Variants in INTU observed in about 807,000 individuals in gnomAD.
INTU encodes the protein protein inturned.
In INTU, 68 loss-of-function variants were observed where a neutral mutation model predicts 100.5. That is an observed-to-expected ratio of 0.68 (90% CI 0.56 to 0.83). The LOEUF is 0.83. Ranked by LOEUF, INTU falls within the 40% of genes least tolerant of loss-of-function variation. The probability of loss-of-function intolerance (pLI) is 0.00; values close to 1 mark genes in which losing one functional copy is unlikely to be tolerated. For missense variants in INTU, 1,071 were observed against 1,114.7 expected, an observed-to-expected ratio of 0.96 and a Z score of 0.56; for synonymous variants, 357 against 395.7, an observed-to-expected ratio of 0.90 and a Z score of 1.16.
At chr4:127,660,146 G>C (rs1728411815) in intron 3 of INTU, among the ~76,000 whole-genome samples, 1 of 152,122 alleles carries the variant, frequency 6.6e-6, no homozygotes, top group Non-Finnish European at 1.5e-5. Flanking sequence ...CCAGAAGAGA[G>C]ATGATAAAGG....
chr4:127,677,550 A>G (rs988490310), intron 6 of INTU, among the ~76,000 whole-genome samples: 9 of 151,820 alleles, frequency 5.9e-5, no homozygotes, highest in African/African-American at 1.7e-4. Flanking sequence ...CCTGTCTGTT[A>G]GAAGGAAAAC....
chr4:127,679,740 A>G (rs917586801), intron 6 of INTU, among the ~76,000 whole-genome samples: 1 of 151,944 alleles, frequency 6.6e-6, no homozygotes, highest in Non-Finnish European at 1.5e-5. Context: ...AGAAGGCAAG[A>G]AATAACTAAA....
chr4:127,653,528 A>G (rs981769053), intron 2 of INTU, among the ~76,000 whole-genome samples: 3 of 151,970 alleles, frequency 2.0e-5, no homozygotes, highest in East Asian at 3.8e-4. Context: ...GTAGTTGAGC[A>G]GTTTTGAGTG....
intron 6 of INTU, 24 bp downstream of exon 6, chr4:127,674,237 T>A (rs761590413): frequency 1.3e-6 from 2 of 1,498,368 alleles, no homozygotes; most frequent in Non-Finnish European, 1.8e-6. Flanking sequence ...TTGCTTACCT[T>A]AAAATCATTT....
chr4:127,645,127 T>C (rs1727516102), intron 2 of INTU, among the ~76,000 whole-genome samples: 1 of 152,158 alleles, frequency 6.6e-6, no homozygotes, highest in Non-Finnish European at 1.5e-5. Flanking sequence ...TGTTCCAGAA[T>C]GATCTCAACA....
intron 6 of INTU, among the ~76,000 whole-genome samples, chr4:127,677,017 C>T (rs1373569977): frequency 6.6e-6 from 1 of 151,792 alleles, no homozygotes; most frequent in East Asian, 1.9e-4. Flanking sequence ...AGTCTGAGAT[C>T]AAACTGCAAG....
chr4:127,672,555 G>A (rs77593744), intron 5 of INTU, among the ~76,000 whole-genome samples: 6,107 of 150,256 alleles, frequency 0.041, 164 homozygotes, highest in Middle Eastern at 0.066. Flanking sequence ...TTAACCATGA[G>A]ATATGGGTTA....
chr4:127,677,767 A>C lies in INTU; in HGVS notation c.1181+3554A>C, dbSNP rs554205548. Reference sequence around the variant, plus strand: ...CTGGACGGAGAATGACTTTGACGAGATGAGAGAAGAAGGCTTCAGACGATC... The same window carrying C: ...CTGGACGGAGAATGACTTTGACGAGCTGAGAGAAGAAGGCTTCAGACGATC... On this transcript the variant is annotated intron_variant, in intron 6 of 15. Coordinates refer to ENST00000335251, the MANE Select transcript of INTU (RefSeq NM_015693.4). 5.1e-4 allele frequency among the ~76,000 whole-genome samples: 77 copies of C among 152,152 alleles called. No homozygotes were observed. In the South Asian group the frequency reaches 0.014, roughly 28 times the overall value.
chr4:127,633,010 A>T lies in INTU; in HGVS notation c.-25A>T. On this transcript the variant is annotated 5_prime_UTR_variant, in exon 1 of 16. Coordinates refer to ENST00000335251, the MANE Select transcript of INTU (RefSeq NM_015693.4). ...ATAGCTGCGAGATTTGAATTACTCC[A>T]CTCGTAGCTATTGCATTCCTGACGA... 6.2e-7 allele frequency: 1 copy of T among 1,602,454 alleles called. No homozygotes were observed. The highest frequency in any genetic ancestry group is 8.5e-7 in the Non-Finnish European group (1 of 1,171,856).
Position 127,643,539 on chromosome 4 carries a change from G to C in INTU, c.165G>C (p.Trp55Cys). The C allele has an allele frequency of 1.2e-6, 2 of 1,600,570 alleles. No individual in the cohort carries two copies. Among genetic ancestry groups the C allele is most frequent in the Non-Finnish European group, 1.7e-6 (2 of 1,176,306 alleles). ...TTCATAGTGATCTTGAGCCTGAATG[G>C]CTGGACAGTGTGCAGAAAAATGGAG... The part of the protein sequence containing the change: ...SSDYDDLEPE[W>C]LDSVQKNGEL... The change falls in exon 2 of 16, where the codon TGG (tryptophan) becomes TGC (cysteine). Residue 55 changes from tryptophan (W) to cysteine (C), a missense_variant. By Grantham distance (215) the Trp-to-Cys change is radical. Transcript: ENST00000335251.
chr4:127,676,546 A>G (rs1406730209), intron 6 of INTU, among the ~76,000 whole-genome samples: 1 of 150,936 alleles, frequency 6.6e-6, no homozygotes, highest in Non-Finnish European at 1.5e-5. Flanking sequence ...TGATGCTGCC[A>G]CTGTACTCCA....
At chr4:127,700,849 A>G (rs1386740393) in intron 9 of INTU, among the ~76,000 whole-genome samples, 2 of 151,996 alleles carry the variant, frequency 1.3e-5, no homozygotes, top group African/African-American at 4.8e-5. Context: ...GAAAACTGTT[A>G]AATGAAGAAA....
At chr4:127,692,585 T>A (rs1730199691) in intron 8 of INTU, among the ~76,000 whole-genome samples, 1 of 152,216 alleles carries the variant, frequency 6.6e-6, no homozygotes. Flanking sequence ...AAACTTTAGT[T>A]TAATTAAGTC....
At chr4:127,708,347 G>A (rs1730970296) in intron 12 of INTU, among the ~76,000 whole-genome samples, 1 of 152,142 alleles carries the variant, frequency 6.6e-6, no homozygotes, top group African/African-American at 2.4e-5. Flanking sequence ...AATGGCTCTG[G>A]TAGGAGGTTT....
Position 127,656,387 on chromosome 4 carries a change from T to G in INTU, c.683-249T>G, listed in dbSNP as rs568594942. Reference sequence around the variant, plus strand: ...TATCAAGAATAAAAATAGTTATTTTTTAAAATATTCATAGGTTGTATTATT... The same window carrying G: ...TATCAAGAATAAAAATAGTTATTTTGTAAAATATTCATAGGTTGTATTATT... On this transcript the variant is annotated intron_variant, in intron 2 of 15. Coordinates refer to ENST00000335251, the MANE Select transcript of INTU (RefSeq NM_015693.4). 3.3e-5 allele frequency among the ~76,000 whole-genome samples: 5 copies of G among 152,330 alleles called. No homozygotes were observed. In the East Asian group the frequency reaches 9.6e-4, roughly 29 times the overall value.
At position 127,643,916 on chromosome 4, in the gene INTU, T is replaced by C. The variant is rs1054038801; in HGVS notation, c.542T>C (p.Leu181Pro). The C allele has an allele frequency of 3.1e-6, 5 of 1,614,128 alleles. No individual in the cohort carries two copies. Among genetic ancestry groups the C allele is most frequent in the Admixed American group, 3.3e-5 (2 of 59,994 alleles). Reference sequence around the variant, plus strand: ...ATCAAAGCCAAAGAGCAGCTCAAGCTTCTGGAAGTGCTGGTTGGAATTATT... The same window carrying C: ...ATCAAAGCCAAAGAGCAGCTCAAGCCTCTGGAAGTGCTGGTTGGAATTATT... ...TVIKAKEQLK[L>P]LEVLVGIIHQ... is the part of the protein sequence containing the mutation. Residue 181 changes from leucine to proline, a missense_variant, in exon 2 of 16, where the codon CTT (leucine) becomes CCT (proline). Physicochemically the swap from Leu to Pro is moderately conservative, Grantham distance 98. Coordinates refer to ENST00000335251, the MANE Select transcript of INTU (RefSeq NM_015693.4).
chr4:127,664,578 C>G (rs1011490690), intron 4 of INTU, among the ~76,000 whole-genome samples: 3 of 152,006 alleles, frequency 2.0e-5, no homozygotes, highest in Admixed American at 2.0e-4. Context: ...ATTAAATCTT[C>G]CTGGAGAAAA....
At chr4:127,704,135 G>T (rs958097737) in intron 9 of INTU, 93 bp from the exon 10 acceptor site, 3 of 1,009,252 alleles carry the variant, frequency 3.0e-6, no homozygotes, top group Admixed American at 4.3e-5. Flanking sequence ...AGTTACTAAA[G>T]AATATAATTT....
In INTU at chr4:127,717,639, C is replaced by T. The variant is rs563935761; in HGVS notation, c.*1203C>T. On this transcript the variant is annotated 3_prime_UTR_variant, in exon 16 of 16. Coordinates refer to ENST00000335251, the MANE Select transcript of INTU (RefSeq NM_015693.4). The stretch of plus-strand genomic sequence containing the variant: ...AAGCGTTCCTATTTCCTCACAGCCT[C>T]GCCAGCATCTGTTATTTCTTGACTT... The T allele has an allele frequency of 1.3e-5, 2 of 152,180 alleles. No homozygotes were observed. The highest frequency in any genetic ancestry group is 2.9e-5 in the Non-Finnish European group (2 of 68,042). 9.4% of individuals were successfully genotyped at this position (152,180 alleles called of 1,614,324 possible).
Sources: gnomAD v4.1 joint callset for allele counts (sites outside exome capture counted in the v4.1 genomes callset) on GRCh38, gnomAD v4.1.1 for gene constraint, MANE v1.5 for transcripts, NCBI Gene and HGNC (gene_info 2026-07-23, HGNC 2026-07-21) for gene names.